The following RERE variants were observed in gnomAD, a reference collection of about 807,000 sequenced individuals.
RERE encodes arginine-glutamic acid dipeptide repeats protein.
A neutral mutation model predicts 146.1 loss-of-function variants in RERE; 40 were observed. The ratio of observed to expected loss-of-function variants is 0.27; its 90% CI spans 0.21 to 0.36. The LOEUF (loss-of-function observed/expected upper bound fraction) is 0.36. Ranked by LOEUF, RERE falls within the 10% of genes least tolerant of loss-of-function variation. The probability of loss-of-function intolerance (pLI) is 1.00; values close to 1 mark genes in which losing one functional copy is unlikely to be tolerated. For synonymous variants in RERE, 1,003 were observed against 866.0 expected (o/e 1.16, Z -2.78); for missense variants, 1,933 against 2,138.7 (o/e 0.90, Z 1.90).
At position 8,403,825 on chromosome 1, in the gene RERE, CTTTTTTTTTTTT is replaced by C. The variant is rs869295197; in HGVS notation, c.1284+18890_1284+18901del. Among the ~76,000 whole-genome samples, 19 of 70,868 alleles carry C rather than the reference CTTTTTTTTTTTT, an allele frequency of 2.7e-4. 1 individual carries two copies. In the East Asian group the frequency reaches 9.7e-3, roughly 36 times the overall value. The allele number at this position is 70,868 out of a possible 152,430, so 46.5% of individuals were successfully genotyped here. On this transcript the variant is annotated intron_variant, in intron 12 of 22. Transcript: ENST00000400908. ...TCTATTTTTCTTAATAAAATCTTAG[CTTTTTTTTTTTT>C]TTTTTTTTTTTGAGATGGGAGTCTC... is the stretch of plus-strand genomic sequence containing the variant.
intron 4 of RERE, 81 bp downstream of exon 4, chr1:8,614,480 T>G (rs1646827962): frequency 1.4e-6 from 2 of 1,405,910 alleles, no homozygotes; most frequent in Non-Finnish European, 1.9e-6. Flanking sequence ...AAAGGGGCTC[T>G]GGGGAGGGAG....
At chr1:8,707,147 C>T (rs1639574602) in intron 1 of RERE, among the ~76,000 whole-genome samples, 1 of 152,168 alleles carries the variant, frequency 6.6e-6, no homozygotes, top group African/African-American at 2.4e-5. Context: ...TCAAAACAAC[C>T]CTGTCAAGTT....
chr1:8,428,667 G>A (rs140809280), intron 11 of RERE: 1 of 152,222 alleles, frequency 6.6e-6, no homozygotes, highest in East Asian at 1.9e-4. Context: ...TTTCGCTACA[G>A]TGGAAAGAAC....
At chr1:8,698,570 T>G (rs984288962) in intron 1 of RERE, among the ~76,000 whole-genome samples, 1 of 152,252 alleles carries the variant, frequency 6.6e-6, no homozygotes, top group Non-Finnish European at 1.5e-5. Context: ...CAAAAGCTCA[T>G]TCATCTTGTG....
intron 3 of RERE, among the ~76,000 whole-genome samples, chr1:8,622,095 T>C (rs1244492511): frequency 6.6e-6 from 1 of 152,210 alleles, no homozygotes; most frequent in African/African-American, 2.4e-5. Context: ...TTTAATGTGT[T>C]GTATTAGACC....
Position 8,357,794 on chromosome 1 carries a change from A to G in RERE, c.4339+402T>C, listed in dbSNP as rs547677638. On this transcript the variant is annotated intron_variant, in intron 20 of 22. Transcript: ENST00000400908. ...CAGCCTCGCTCCTCAAGGGAAGAGGACTGTGCTTTTCATTCTCCCTCAGCC... is the reference window on the plus strand; with the variant it reads ...CAGCCTCGCTCCTCAAGGGAAGAGGGCTGTGCTTTTCATTCTCCCTCAGCC... 3.9e-5 allele frequency among the ~76,000 whole-genome samples: 6 copies of G among 152,316 alleles called. No individual in the cohort carries two copies. In the South Asian group the frequency reaches 1.2e-3, roughly 32 times the overall value.
At chr1:8,706,875 A>G (rs1299168406) in intron 1 of RERE, among the ~76,000 whole-genome samples, 1 of 152,230 alleles carries the variant, frequency 6.6e-6, no homozygotes, top group Non-Finnish European at 1.5e-5. Context: ...AGTTATTACA[A>G]CAAAAACTAT....
intron 10 of RERE, among the ~76,000 whole-genome samples, chr1:8,468,237 T>C (rs1003516344): frequency 1.3e-5 from 2 of 152,178 alleles, no homozygotes; most frequent in African/African-American, 4.8e-5. Context: ...CATTAGACTC[T>C]TTTAAAAATA....
intron 7 of RERE, among the ~76,000 whole-genome samples, chr1:8,517,089 AT>A (rs1645430093): frequency 6.6e-6 from 1 of 152,200 alleles, no homozygotes; most frequent in African/African-American, 2.4e-5. Context: ...CAATCTACTA[AT>A]GCCAGTTTCC....
At chr1:8,419,830 T>C (rs1643871200) in intron 12 of RERE, among the ~76,000 whole-genome samples, 1 of 152,200 alleles carries the variant, frequency 6.6e-6, no homozygotes, top group East Asian at 1.9e-4. Context: ...GAATCATCAC[T>C]TCGTTCTCAG....
chr1:8,505,508 T>C (rs995028074), intron 8 of RERE, among the ~76,000 whole-genome samples: 7 of 152,198 alleles, frequency 4.6e-5, no homozygotes, highest in Non-Finnish European at 7.3e-5. Context: ...TTCCCTGCTT[T>C]TGTATATGTT....
chr1:8,592,378 C>G (rs921240150), intron 4 of RERE, among the ~76,000 whole-genome samples: 4 of 152,132 alleles, frequency 2.6e-5, no homozygotes, highest in Admixed American at 1.3e-4. Flanking sequence ...TCAAGCAATC[C>G]TCCTACCTCT....
chr1:8,748,074 G>A (rs536188972), intron 1 of RERE, among the ~76,000 whole-genome samples: 13 of 152,134 alleles, frequency 8.5e-5, no homozygotes, highest in South Asian at 4.1e-4. Flanking sequence ...CACCACGCCC[G>A]GCCATAACTT....
At chr1:8,537,996 C>G (rs1156289334) in intron 7 of RERE, among the ~76,000 whole-genome samples, 1 of 152,178 alleles carries the variant, frequency 6.6e-6, no homozygotes, top group East Asian at 1.9e-4. Flanking sequence ...CAACGTATAA[C>G]TACTTTTGGA....
At chr1:8,614,008 T>C (rs1471470952) in intron 4 of RERE, among the ~76,000 whole-genome samples, 1 of 152,084 alleles carries the variant, frequency 6.6e-6, no homozygotes, top group Non-Finnish European at 1.5e-5. Flanking sequence ...GGACCACCAC[T>C]AGTAACAGAG....
At chr1:8,711,448 T>C (rs938966953) in intron 1 of RERE, among the ~76,000 whole-genome samples, 1 of 152,206 alleles carries the variant, frequency 6.6e-6, no homozygotes, top group Non-Finnish European at 1.5e-5. Flanking sequence ...TAGCACATGC[T>C]TTAAATATGT....
chr1:8,788,453 C>T (rs937886428), intron 1 of RERE, among the ~76,000 whole-genome samples: 1 of 151,618 alleles, frequency 6.6e-6, no homozygotes, highest in African/African-American at 2.4e-5. Context: ...CAACCACCTC[C>T]TCCCAAGTTC....
intron 10 of RERE, among the ~76,000 whole-genome samples, chr1:8,486,355 T>C (rs1375707394): frequency 6.6e-6 from 1 of 152,074 alleles, no homozygotes; most frequent in Non-Finnish European, 1.5e-5. Context: ...CTTTGACCAC[T>C]GAATTAAATT....
intron 1 of RERE, among the ~76,000 whole-genome samples, chr1:8,673,284 C>G (rs1010142036): frequency 1.3e-5 from 2 of 152,064 alleles, no homozygotes; most frequent in African/African-American, 2.4e-5. Context: ...TTAGTACAGA[C>G]AGGGTTTCAC....
Sources: allele counts gnomAD v4.1 joint callset (sites outside exome capture counted in the v4.1 genomes callset), GRCh38; gene constraint gnomAD v4.1.1; transcripts MANE v1.5; gene names NCBI Gene and HGNC (gene_info 2026-07-23, HGNC 2026-07-21).